The following ST3GAL3 variants were observed in gnomAD, a reference collection of about 807,000 sequenced individuals.
ST3GAL3 encodes the protein ST3 beta-galactoside alpha-2,3-sialyltransferase 3.
A neutral mutation model predicts 50.1 loss-of-function variants in ST3GAL3; 21 were observed. The ratio of observed to expected loss-of-function variants is 0.42; its 90% CI spans 0.30 to 0.60. ST3GAL3 has a LOEUF of 0.60. Ranked by LOEUF, ST3GAL3 falls within the 20% of genes least tolerant of loss-of-function variation. The probability of loss-of-function intolerance (pLI) is 0.19; values close to 1 mark genes in which losing one functional copy is unlikely to be tolerated. For synonymous variants in ST3GAL3, 183 were observed against 190.0 expected, an observed-to-expected ratio of 0.96 and a Z score of 0.30; for missense variants, 353 against 489.4, an observed-to-expected ratio of 0.72 and a Z score of 2.63.
At chr1:43,839,340 C>A (rs2064964296) in intron 5 of ST3GAL3, 1 of 152,198 alleles carries the variant, frequency 6.6e-6, no homozygotes, top group Non-Finnish European at 1.5e-5. Flanking sequence ...CTTCCTCCAG[C>A]TATTTATTGA....
At chr1:43,779,572 G>C (rs974231635) in intron 2 of ST3GAL3, among the ~76,000 whole-genome samples, 1 of 152,134 alleles carries the variant, frequency 6.6e-6, no homozygotes, top group African/African-American at 2.4e-5. Context: ...GCCAGTTCTT[G>C]ATTTTTCTGT....
At chr1:43,902,324 G>A (rs1287590186) in intron 9 of ST3GAL3, among the ~76,000 whole-genome samples, 1 of 152,214 alleles carries the variant, frequency 6.6e-6, no homozygotes, top group Non-Finnish European at 1.5e-5. Flanking sequence ...CTCAGTCACA[G>A]CTGCTTCCTG....
At position 43,899,111 on chromosome 1, in the gene ST3GAL3, G is replaced by T; in HGVS notation, c.462-57G>T. 6.2e-7 allele frequency: 1 copy of T among 1,612,230 alleles called. No homozygotes were observed. Among genetic ancestry groups the T allele is most frequent in the Non-Finnish European group, 8.5e-7 (1 of 1,179,524 alleles). On this transcript the variant is annotated intron_variant, in intron 7 of 11. Transcript: ENST00000347631. The surrounding 1 kb of genome is among the most constrained non-coding windows in gnomAD (Gnocchi z 5.4). ...GTGGGGTCAAGGGCCAAAGGAGCAGGGAAAGAGACCTGGTGGGCAGCTCTC... is the reference window on the plus strand; with the variant it reads ...GTGGGGTCAAGGGCCAAAGGAGCAGTGAAAGAGACCTGGTGGGCAGCTCTC...
chr1:43,721,881 G>A (rs796402847), intron 1 of ST3GAL3, among the ~76,000 whole-genome samples: 7 of 152,034 alleles, frequency 4.6e-5, no homozygotes, highest in South Asian at 2.1e-4. Flanking sequence ...GCTTACAGGC[G>A]TGAGCCACAT....
At chr1:43,756,990 T>C (rs957014451) in intron 2 of ST3GAL3, among the ~76,000 whole-genome samples, 10 of 152,144 alleles carry the variant, frequency 6.6e-5, no homozygotes, top group African/African-American at 2.4e-4. Context: ...CTGCAACCTC[T>C]GCCTCCCGGT....
Position 43,930,486 on chromosome 1 carries a change from C to T in ST3GAL3, c.*265C>T. On this transcript the variant is annotated 3_prime_UTR_variant, in exon 12 of 12. Transcript: ENST00000347631. ...CAGGCCCAGCATGCAGGTGGTGGGA[C>T]ACTGGGCAGCAAGGCTGCTGCCGGA... is the stretch of plus-strand genomic sequence containing the variant. 3.5e-6 allele frequency: 2 copies of T among 571,274 alleles called. No homozygotes were observed. Among genetic ancestry groups the T allele is most frequent in the Non-Finnish European group, 6.3e-6 (2 of 318,262 alleles). 35.4% of individuals were successfully genotyped at this position (571,274 alleles called of 1,614,324 possible). A position where few individuals can be genotyped will look rare whatever the true frequency, so the allele number is the denominator to read the frequency against.
At chr1:43,765,136 C>G (rs1184210329) in intron 2 of ST3GAL3, among the ~76,000 whole-genome samples, 5 of 152,216 alleles carry the variant, frequency 3.3e-5, no homozygotes, top group Non-Finnish European at 7.3e-5. Flanking sequence ...TCTCCTGTCA[C>G]AATCTGGTGC....
At chr1:43,865,411 A>G (rs1045258586) in intron 5 of ST3GAL3, among the ~76,000 whole-genome samples, 1 of 152,128 alleles carries the variant, frequency 6.6e-6, no homozygotes, top group Non-Finnish European at 1.5e-5. Flanking sequence ...AATTTGTAGT[A>G]TCTATACCTT....
At chr1:43,731,781 C>G (rs1312356951) in intron 1 of ST3GAL3, among the ~76,000 whole-genome samples, 3 of 151,916 alleles carry the variant, frequency 2.0e-5, no homozygotes, top group Non-Finnish European at 4.4e-5. Context: ...ATCCACCCAC[C>G]TTGGCCTCCC....
intron 7 of ST3GAL3, 49 bp downstream of exon 7, chr1:43,898,347 G>A: frequency 6.2e-7 from 1 of 1,604,642 alleles, no homozygotes; most frequent in Non-Finnish European, 8.5e-7. Context: ...CTGGTGGTGT[G>A]CAGAGGTGTT....
chr1:43,732,168 C>T (rs1676225199), intron 1 of ST3GAL3, among the ~76,000 whole-genome samples: 1 of 152,148 alleles, frequency 6.6e-6, no homozygotes, highest in African/African-American at 2.4e-5. Flanking sequence ...CACTGTTATT[C>T]TCCTGCCCTG....
chr1:43,919,098 G>A (rs1339092489), intron 9 of ST3GAL3: 7 of 7,360 alleles, frequency 9.5e-4, no homozygotes, highest in Non-Finnish European at 8.2e-3. Flanking sequence ...TTTTTTTTGA[G>A]ACAGAGTCTC....
intron 5 of ST3GAL3, among the ~76,000 whole-genome samples, chr1:43,882,089 G>GT (rs1300912928): frequency 6.6e-6 from 1 of 152,246 alleles, no homozygotes; most frequent in Non-Finnish European, 1.5e-5. Flanking sequence ...GTGCTAAGAG[G>GT]TCACTGTGCA....
chr1:43,929,983 G>A (rs767568007), intron 11 of ST3GAL3, 149 bp from the exon 12 acceptor site: 17 of 773,408 alleles, frequency 2.2e-5, no homozygotes, highest in East Asian at 2.0e-4. Context: ...CATCATTACC[G>A]TGTAGACACA....
intron 4 of ST3GAL3, among the ~76,000 whole-genome samples, chr1:43,829,948 A>G (rs1331593084): frequency 6.9e-6 from 1 of 144,718 alleles, no homozygotes; most frequent in African/African-American, 2.5e-5. Flanking sequence ...GTGGTAGAGG[A>G]GAGTGAGCAT....
intron 2 of ST3GAL3, among the ~76,000 whole-genome samples, chr1:43,785,157 A>G (rs2057143780): frequency 6.6e-6 from 1 of 152,198 alleles, no homozygotes; most frequent in East Asian, 1.9e-4. Flanking sequence ...TTGAGAGACT[A>G]AAAAACAAGA....
intron 3 of ST3GAL3, among the ~76,000 whole-genome samples, chr1:43,814,460 T>C (rs1473084599): frequency 6.6e-6 from 1 of 152,206 alleles, no homozygotes; most frequent in Non-Finnish European, 1.5e-5. Context: ...TTGGCATGGA[T>C]TTGGGGACCC....
chr1:43,903,789 TAC>T (rs1189829681), intron 9 of ST3GAL3, among the ~76,000 whole-genome samples: 1 of 152,202 alleles, frequency 6.6e-6, no homozygotes, highest in African/African-American at 2.4e-5. Context: ...GCCTTGGAGT[TAC>T]ACAGATTTGG....
intron 3 of ST3GAL3, among the ~76,000 whole-genome samples, chr1:43,796,155 A>G (rs756649896): frequency 6.6e-6 from 1 of 152,214 alleles, no homozygotes; most frequent in Non-Finnish European, 1.5e-5. Context: ...CTCTGATCAG[A>G]GGAGCTATAG....
Sources: gnomAD v4.1 joint callset for allele counts (sites outside exome capture counted in the v4.1 genomes callset) on GRCh38, gnomAD v4.1.1 for gene constraint, Gnocchi (gnomAD v3.1) non-coding constraint, MANE v1.5 for transcripts, NCBI Gene and HGNC (gene_info 2026-07-23, HGNC 2026-07-21) for gene names.